Variants in NCAM1 observed in about 807,000 individuals in gnomAD.
The protein encoded by NCAM1 is neural cell adhesion molecule 1.
Under a neutral mutation model 109.8 loss-of-function variants are expected in NCAM1, and 14 were observed. The ratio of observed to expected loss-of-function variants is 0.13; its 90% confidence interval spans 0.08 to 0.20. The LOEUF is 0.20. Among genes scored for constraint, NCAM1 ranks in the 10% least tolerant of loss-of-function variants. The pLI is 1.00. For missense variants in NCAM1, 774 were observed against 1,109.9 expected (o/e 0.70, Z 4.30); for synonymous variants, 418 against 442.9 (o/e 0.94, Z 0.70).
chr11:113,179,668 T>C (rs1943270401), intron 1 of NCAM1, among the ~76,000 whole-genome samples: 1 of 152,208 alleles, frequency 6.6e-6, no homozygotes. Context: ...TTCTTCTCTC[T>C]CATCCCCCGA....
intron 1 of NCAM1, among the ~76,000 whole-genome samples, chr11:113,178,833 C>G (rs1943247476): frequency 6.6e-6 from 1 of 152,124 alleles, no homozygotes; most frequent in African/African-American, 2.4e-5. Flanking sequence ...CATTCGAAGG[C>G]CAACATTCGA....
At chr11:113,230,687 C>T (rs1565515414) in intron 9 of NCAM1, among the ~76,000 whole-genome samples, 1 of 152,200 alleles carries the variant, frequency 6.6e-6, no homozygotes, top group Non-Finnish European at 1.5e-5. Context: ...TCCATCCCTA[C>T]AGAACATCAT....
At chr11:113,214,338 A>G (rs1451463727) in intron 7 of NCAM1, 31 bp from the exon 8 acceptor site, 6 of 1,610,396 alleles carry the variant, frequency 3.7e-6, no homozygotes, top group Non-Finnish European at 5.1e-6. Context: ...CAATAATTAG[A>G]TAAACTCAGA....
chr11:113,123,256 G>A (rs540003789), intron 1 of NCAM1, among the ~76,000 whole-genome samples: 1 of 152,244 alleles, frequency 6.6e-6, no homozygotes, highest in East Asian at 1.9e-4. Flanking sequence ...CCTGGCGATG[G>A]ATAATCTAAA....
chr11:113,056,017 AT>A (rs1565409319), intron 1 of NCAM1, among the ~76,000 whole-genome samples: 13 of 121,262 alleles, frequency 1.1e-4, no homozygotes, highest in Admixed American at 1.7e-4. Context: ...ATATATATAT[AT>A]ATATATAAAA....
At chr11:113,016,518 C>T (rs782023473) in intron 1 of NCAM1, among the ~76,000 whole-genome samples, 9 of 152,188 alleles carry the variant, frequency 5.9e-5, no homozygotes, top group Non-Finnish European at 1.2e-4. Flanking sequence ...TGGCTTAAGA[C>T]AGGAATACTT....
chr11:112,981,052 C>T (rs782673215), intron 1 of NCAM1, among the ~76,000 whole-genome samples: 2 of 151,878 alleles, frequency 1.3e-5, no homozygotes, highest in African/African-American at 2.4e-5. Context: ...TGTTACTCAG[C>T]ATAAGAGAAT....
intron 1 of NCAM1, among the ~76,000 whole-genome samples, chr11:113,007,866 G>A (rs1396551817): frequency 6.6e-6 from 1 of 152,230 alleles, no homozygotes; most frequent in Non-Finnish European, 1.5e-5. Flanking sequence ...GATTCTGAAT[G>A]TGAAGAAGGG....
rs782583741 is a variant in NCAM1, at chr11:113,260,114, C to T, written c.1954-32C>T. Reference sequence around the variant, plus strand: ...CTTTTATCTAAAGCTTTTTTGGTCTCTTGTATCCTTCTTGCCGGTTTCTCC... The same window carrying T: ...CTTTTATCTAAAGCTTTTTTGGTCTTTTGTATCCTTCTTGCCGGTTTCTCC... On this transcript the variant is annotated intron_variant, in intron 16 of 19. Coordinates refer to ENST00000316851, the MANE Select transcript of NCAM1 (RefSeq NM_181351.5). 14 of 1,586,296 alleles carry T rather than the reference C, an allele frequency of 8.8e-6. No individual in the cohort carries two copies. The Admixed American group carries it at 1.1e-4, about 12-fold the overall frequency.
rs540149483 is a variant in NCAM1 at position 113,015,578 on chromosome 11, A to G, written c.52+53914A>G. On this transcript the variant is annotated intron_variant, in intron 1 of 19. Coordinates refer to ENST00000316851, the MANE Select transcript of NCAM1 (RefSeq NM_181351.5). ...TGGTGAAACCCCATCTCTACTAAAAATACAAAAATTAGCCAGGCATGGTCA... is the reference window on the plus strand; with the variant it reads ...TGGTGAAACCCCATCTCTACTAAAAGTACAAAAATTAGCCAGGCATGGTCA... 9.2e-5 allele frequency among the ~76,000 whole-genome samples: 14 copies of G among 152,160 alleles called. No individual in the cohort carries two copies. In the South Asian group the frequency reaches 2.7e-3, roughly 29 times the overall value.
intron 1 of NCAM1, among the ~76,000 whole-genome samples, chr11:112,970,632 A>G (rs1005331926): frequency 2.0e-5 from 3 of 152,216 alleles, no homozygotes; most frequent in African/African-American, 7.2e-5. Context: ...ATCGAATATA[A>G]GAACAAAATA....
At chr11:113,147,342 C>T (rs1942054526) in intron 1 of NCAM1, among the ~76,000 whole-genome samples, 2 of 152,264 alleles carry the variant, frequency 1.3e-5, no homozygotes, top group African/African-American at 2.4e-5. Flanking sequence ...CAATCAGCAG[C>T]CATCTTGCTT....
In NCAM1 at chr11:113,061,454, G is replaced by A. The variant is rs1469034167; in HGVS notation, c.52+99790G>A. 2.0e-5 allele frequency among the ~76,000 whole-genome samples: 3 copies of A among 152,098 alleles called. No individual in the cohort carries two copies. In the East Asian group the frequency reaches 5.8e-4, roughly 29 times the overall value. On this transcript the variant is annotated intron_variant, in intron 1 of 19. Coordinates refer to ENST00000316851, the MANE Select transcript of NCAM1 (RefSeq NM_181351.5). ...TCAAAAGTAGGTGAATTATGGAAGTGGTATACCAAATAAAAACGAAGCTCT... is the reference window on the plus strand; with the variant it reads ...TCAAAAGTAGGTGAATTATGGAAGTAGTATACCAAATAAAAACGAAGCTCT...
rs539327688 is a variant in NCAM1, at chr11:113,034,136, G to A, written c.52+72472G>A. 2.6e-5 allele frequency among the ~76,000 whole-genome samples: 4 copies of A among 152,258 alleles called. No individual in the cohort carries two copies. The East Asian group carries it at 7.7e-4, about 29-fold the overall frequency. ...CCTCAAATCTAGTCGTGATAATGAG[G>A]CCACAGCTTAACTCACTCACATGTC... On this transcript the variant is annotated intron_variant, in intron 1 of 19. Transcript: ENST00000316851.
chr11:113,119,244 T>C (rs1007004170), intron 1 of NCAM1, among the ~76,000 whole-genome samples: 2 of 152,144 alleles, frequency 1.3e-5, no homozygotes, highest in Middle Eastern at 3.2e-3. Flanking sequence ...CATCACAGTT[T>C]AGAGCCCTAG....
At chr11:113,165,428 CTTCTGCTTGTCTT>C (rs1942757655) in intron 1 of NCAM1, among the ~76,000 whole-genome samples, 1 of 152,130 alleles carries the variant, frequency 6.6e-6, no homozygotes, top group African/African-American at 2.4e-5. Flanking sequence ...AGCCTCAGGC[CTTCTGCTTGTCTT>C]ACAAGCAGAG....
chr11:113,105,162 T>A (rs1940098091), intron 1 of NCAM1, among the ~76,000 whole-genome samples: 1 of 152,162 alleles, frequency 6.6e-6, no homozygotes, highest in Non-Finnish European at 1.5e-5. Context: ...ATGTACAAGT[T>A]TTGCTCATCC....
intron 1 of NCAM1, among the ~76,000 whole-genome samples, chr11:113,160,809 T>C (rs1012840483): frequency 5.9e-5 from 9 of 152,202 alleles, no homozygotes; most frequent in Admixed American, 4.6e-4. Context: ...TCACCACAGA[T>C]TGTACAATGA....
At chr11:113,008,360 A>G (rs527809523) in intron 1 of NCAM1, among the ~76,000 whole-genome samples, 1 of 152,292 alleles carries the variant, frequency 6.6e-6, no homozygotes, top group African/African-American at 2.4e-5. Flanking sequence ...ATCTCTCCAG[A>G]GCACACCTCA....
Sources: allele counts gnomAD v4.1 joint callset (sites outside exome capture counted in the v4.1 genomes callset), GRCh38; gene constraint gnomAD v4.1.1; transcripts MANE v1.5; gene names NCBI Gene and HGNC (gene_info 2026-07-23, HGNC 2026-07-21).